SPAG1: variants seen among roughly 807,000 people sequenced by gnomAD.
The protein encoded by SPAG1 is sperm-associated antigen 1.
Under a neutral mutation model 100.5 loss-of-function variants are expected in SPAG1, and 69 were observed. The observed-to-expected ratio is 0.69, with a 90% CI of 0.57 to 0.84. The LOEUF (loss-of-function observed/expected upper bound fraction) is 0.84. Ranked by LOEUF, SPAG1 falls within the 40% of genes least tolerant of loss-of-function variation. SPAG1 has a pLI of 0.00. For synonymous variants in SPAG1, 336 were observed against 411.6 expected, an observed-to-expected ratio of 0.82 and a Z score of 2.22; for missense variants, 955 against 1,133.1, an observed-to-expected ratio of 0.84 and a Z score of 2.26.
chr8:100,191,361 A>T, intron 8 of SPAG1, 29 bp from the exon 9 acceptor site: 1 of 1,493,054 alleles, frequency 6.7e-7, no homozygotes, highest in Non-Finnish European at 9.3e-7. Context: ...ATATTAAAAA[A>T]CATAACTTTT....
In SPAG1 at chr8:100,194,255, C is replaced by T. The variant is rs752424284; in HGVS notation, c.1083C>T (p.Gly361=). ...AAAGCGGAAGAAAACATGAAGATGG[C>T]GGTGGAGATAAGAGTAAAATATTTT... ...EGKSGRKHED[G]GGDKKPAEPA... is the part of the protein sequence containing the mutation. The change falls in exon 10 of 19, where the codon GGC becomes GGT. Residue 361 remains glycine, a synonymous_variant. Coordinates refer to ENST00000388798, the MANE Select transcript of SPAG1 (RefSeq NM_003114.5). 5.6e-6 allele frequency: 9 copies of T among 1,605,740 alleles called. No individual in the cohort carries two copies. Among genetic ancestry groups the T allele is most frequent in the African/African-American group, 2.7e-5 (2 of 74,734 alleles).
intron 15 of SPAG1, 111 bp downstream of exon 15, chr8:100,231,399 G>A (rs1318218395): frequency 1.4e-6 from 1 of 722,816 alleles, no homozygotes; most frequent in Non-Finnish European, 2.1e-6. Flanking sequence ...TTTTTGTGAT[G>A]GTTCTAAGAA....
At chr8:100,165,618 C>CT (rs1238677108) in intron 2 of SPAG1, 196 bp from the exon 3 acceptor site, 2 of 518,276 alleles carry the variant, frequency 3.9e-6, no homozygotes, top group African/African-American at 2.0e-5. Flanking sequence ...TTTGGAGTTC[C>CT]TTTTTTTCTT....
chr8:100,236,011 C>G (rs970146930), intron 16 of SPAG1, among the ~76,000 whole-genome samples: 1 of 152,160 alleles, frequency 6.6e-6, no homozygotes, highest in Admixed American at 6.5e-5. Flanking sequence ...TGGCCAAACT[C>G]TTGGAGCACA....
intron 16 of SPAG1, among the ~76,000 whole-genome samples, chr8:100,237,820 T>C (rs1205154771): frequency 6.6e-6 from 1 of 152,186 alleles, no homozygotes; most frequent in African/African-American, 2.4e-5. Flanking sequence ...GGCTGCTCTT[T>C]AGGCAGAGAC....
chr8:100,213,343 C>G lies in SPAG1; in HGVS notation c.1350C>G (p.Ser450Arg). 5 of 1,375,814 alleles carry G rather than the reference C, an allele frequency of 3.6e-6. No homozygotes were observed. Among genetic ancestry groups the G allele is most frequent in the Non-Finnish European group, 4.7e-6 (5 of 1,059,922 alleles). 85.2% of individuals were successfully genotyped at this position (1,375,814 alleles called of 1,614,324 possible). Residue 450 changes from serine to arginine, a missense_variant, in exon 11 of 19, where the codon AGC becomes AGG. Transcript: ENST00000388798. Reference protein sequence around the residue: ...QGAENPAGLKSQGNELFRSGQ... With the variant: ...QGAENPAGLKRQGNELFRSGQ... ...CGGAGAACCCTGCCGGCCTGAAGAG[C>G]CAGGGCAACGAGCTGTTCCGAAGCG...
chr8:100,224,853 G>T (rs1818437314), intron 13 of SPAG1, among the ~76,000 whole-genome samples: 1 of 151,850 alleles, frequency 6.6e-6, no homozygotes, highest in Non-Finnish European at 1.5e-5. Context: ...TTTCTTCTAG[G>T]CCTCCTAAAT....
intron 12 of SPAG1, among the ~76,000 whole-genome samples, chr8:100,214,903 C>G (rs1007127350): frequency 6.7e-6 from 1 of 150,302 alleles, no homozygotes; most frequent in African/African-American, 2.5e-5. Flanking sequence ...TTGCTTGAAC[C>G]TGGGAGGCAG....
At chr8:100,161,927 T>C (rs953708275) in intron 1 of SPAG1, among the ~76,000 whole-genome samples, 1 of 152,266 alleles carries the variant, frequency 6.6e-6, no homozygotes, top group African/African-American at 2.4e-5. Flanking sequence ...TTTCCAGGCC[T>C]TCTCCCTGTA....
intron 2 of SPAG1, 59 bp downstream of exon 2, chr8:100,162,479 AC>A: frequency 7.5e-7 from 1 of 1,336,784 alleles, no homozygotes; most frequent in South Asian, 1.5e-5. Flanking sequence ...TCTTGTTGTT[AC>A]CTTCTAAAGG....
intron 1 of SPAG1, among the ~76,000 whole-genome samples, chr8:100,160,541 C>T (rs1815259952): frequency 6.6e-6 from 1 of 150,874 alleles, no homozygotes; most frequent in Non-Finnish European, 1.5e-5. Context: ...GCAGGAGAAT[C>T]GCTTGAACCC....
At chr8:100,216,650 C>T (rs190200595) in intron 12 of SPAG1, among the ~76,000 whole-genome samples, 10 of 152,234 alleles carry the variant, frequency 6.6e-5, no homozygotes, top group Middle Eastern at 3.4e-3. Context: ...CCGTAGAGAC[C>T]GACCTACTCA....
chr8:100,238,143 T>C (rs773323853), intron 16 of SPAG1, among the ~76,000 whole-genome samples: 1 of 152,208 alleles, frequency 6.6e-6, no homozygotes, highest in Non-Finnish European at 1.5e-5. Flanking sequence ...CAGGTATGGC[T>C]CCCTGCCTAG....
At chr8:100,168,435 C>T (rs1035573071) in intron 3 of SPAG1, among the ~76,000 whole-genome samples, 2 of 151,980 alleles carry the variant, frequency 1.3e-5, no homozygotes, top group Non-Finnish European at 2.9e-5. Flanking sequence ...GCTTTTTTGC[C>T]CAGGCTGGAG....
At chr8:100,177,186 A>G (rs1186341653) in intron 3 of SPAG1, among the ~76,000 whole-genome samples, 1 of 152,126 alleles carries the variant, frequency 6.6e-6, no homozygotes, top group Non-Finnish European at 1.5e-5. Flanking sequence ...TATTACACTA[A>G]ACATCATAAA....
chr8:100,178,275 C>G (rs1816216801), intron 4 of SPAG1, among the ~76,000 whole-genome samples: 1 of 151,570 alleles, frequency 6.6e-6, no homozygotes, highest in Admixed American at 6.6e-5. Context: ...GTGAAAATTT[C>G]AGGGAACAAT....
chr8:100,202,405 C>T (rs1233656664), intron 10 of SPAG1, among the ~76,000 whole-genome samples: 1 of 151,510 alleles, frequency 6.6e-6, no homozygotes, highest in Non-Finnish European at 1.5e-5. Flanking sequence ...AGACTTGGCA[C>T]CCTTGTCAAG....
chr8:100,164,932 A>G (rs1563767676), intron 2 of SPAG1, among the ~76,000 whole-genome samples: 2 of 152,228 alleles, frequency 1.3e-5, no homozygotes, highest in African/African-American at 4.8e-5. Context: ...TGTTTTCCAA[A>G]AAATTATCAG....
chr8:100,222,333 A>C (rs560356473), intron 13 of SPAG1, among the ~76,000 whole-genome samples: 2 of 152,176 alleles, frequency 1.3e-5, no homozygotes, highest in African/African-American at 4.8e-5. Flanking sequence ...TCCCTGTGTA[A>C]AATTCTTTTC....
Sources: allele counts gnomAD v4.1 joint callset (sites outside exome capture counted in the v4.1 genomes callset), GRCh38; gene constraint gnomAD v4.1.1; transcripts MANE v1.5; gene names NCBI Gene and HGNC (gene_info 2026-07-23, HGNC 2026-07-21).